The following ADGRA2 variants were observed in gnomAD, a reference collection of about 807,000 sequenced individuals.
ADGRA2 encodes adhesion G protein-coupled receptor A2.
A neutral mutation model predicts 98.7 loss-of-function variants in ADGRA2; 61 were observed. That is an observed-to-expected ratio of 0.62 (90% CI 0.50 to 0.76). The LOEUF (loss-of-function observed/expected upper bound fraction) is 0.76. Ranked by LOEUF, ADGRA2 falls within the 30% of genes least tolerant of loss-of-function variation. The pLI, the probability that ADGRA2 is intolerant of heterozygous loss-of-function variation, is 0.00. For synonymous variants in ADGRA2, 858 were observed against 831.5 expected (o/e 1.03, Z -0.55); for missense variants, 1,712 against 1,860.0 (o/e 0.92, Z 1.46).
intron 15 of ADGRA2, 144 bp from the exon 16 acceptor site, chr8:37,839,355 C>T: frequency 2.1e-6 from 3 of 1,450,756 alleles, no homozygotes; most frequent in Non-Finnish European, 1.8e-6. Context: ...TTAAGGACTC[C>T]CTACCCTATG....
chr8:37,842,466 G>A lies in ADGRA2; in HGVS notation c.*111G>A. The A allele has an allele frequency of 7.3e-7, 1 of 1,369,266 alleles. No individual in the cohort carries two copies. Among genetic ancestry groups the A allele is most frequent in the Non-Finnish European group, 9.4e-7 (1 of 1,060,440 alleles). 84.8% of individuals were successfully genotyped at this position (1,369,266 alleles called of 1,614,324 possible). The stretch of plus-strand genomic sequence containing the variant: ...GCAGGTTGGAGGCAGAGGAGCCGAT[G>A]GCTGGAGGAAGCCCACAGGCGGATG... On this transcript the variant is annotated 3_prime_UTR_variant, in exon 19 of 19. Coordinates refer to ENST00000412232, the MANE Select transcript of ADGRA2 (RefSeq NM_032777.10).
intron 9 of ADGRA2, among the ~76,000 whole-genome samples, 159 bp downstream of exon 9, chr8:37,833,367 G>A (rs954090950): frequency 7.9e-5 from 12 of 152,192 alleles, no homozygotes; most frequent in South Asian, 2.1e-4. Context: ...TCCTCCAGCC[G>A]CCCTCTGCTA....
At chr8:37,809,838 G>A (rs545112245) in intron 1 of ADGRA2, among the ~76,000 whole-genome samples, 3 of 152,262 alleles carry the variant, frequency 2.0e-5, no homozygotes, top group South Asian at 4.1e-4. Flanking sequence ...GAGAGAGAGA[G>A]GCCGAGACCG....
Position 37,797,194 on chromosome 8 carries a change from C to T in ADGRA2, c.-75C>T, listed in dbSNP as rs2129869888. 3 of 1,138,150 alleles carry T rather than the reference C, an allele frequency of 2.6e-6. No homozygotes were observed. The highest frequency in any genetic ancestry group is 4.4e-5 in the South Asian group (1 of 22,672). 70.5% of individuals were successfully genotyped at this position (1,138,150 alleles called of 1,614,324 possible). ...CCCCGGGCCCCCGCTGAGCACTCCT[C>T]CCGCACGCCTGGGTCCCTCCGGCCG... On this transcript the variant is annotated 5_prime_UTR_variant, in exon 1 of 19. Transcript: ENST00000412232. This position sits in a 1 kb window ranked among gnomAD's most constrained non-coding sequence, Gnocchi z 5.3.
intron 1 of ADGRA2, among the ~76,000 whole-genome samples, chr8:37,798,987 G>C (rs1313908558): frequency 1.3e-5 from 2 of 152,222 alleles, no homozygotes; most frequent in Non-Finnish European, 2.9e-5. Flanking sequence ...GTCCAGGCAG[G>C]CCTGGGCATT....
chr8:37,814,813 C>A lies in ADGRA2; in HGVS notation c.267-83C>A. On this transcript the variant is annotated intron_variant, in intron 1 of 18. Transcript: ENST00000412232. This position sits in a 1 kb window ranked among gnomAD's most constrained non-coding sequence, Gnocchi z 4.3. ...CCAGGGGGCGCCATTGACAAAGATG[C>A]AAGCTGGCCCCACCAGTGGTGAAAG... is the stretch of plus-strand genomic sequence containing the variant. 2 of 993,628 alleles carry A rather than the reference C, an allele frequency of 2.0e-6. No homozygotes were observed. The highest frequency in any genetic ancestry group is 3.2e-6 in the Non-Finnish European group (2 of 621,084). The allele number at this position is 993,628 out of a possible 1,614,324, so 61.6% of individuals were successfully genotyped here. A position where few individuals can be genotyped will look rare whatever the true frequency, so the allele number is the denominator to read the frequency against.
In ADGRA2 at chr8:37,814,797, G is replaced by A. The variant is rs895373853; in HGVS notation, c.267-99G>A. ...GCTGCCTCGCACAACTCCAGGGGGC[G>A]CCATTGACAAAGATGCAAGCTGGCC... On this transcript the variant is annotated intron_variant, in intron 1 of 18. Coordinates refer to ENST00000412232, the MANE Select transcript of ADGRA2 (RefSeq NM_032777.10). This position sits in a 1 kb window ranked among gnomAD's most constrained non-coding sequence, Gnocchi z 4.3. 15 of 827,032 alleles carry A rather than the reference G, an allele frequency of 1.8e-5. No homozygotes were observed. The highest frequency in any genetic ancestry group is 1.2e-4 in the East Asian group (5 of 40,794). 51.2% of individuals were successfully genotyped at this position (827,032 alleles called of 1,614,324 possible).
chr8:37,815,311 C>T (rs1804947222), intron 2 of ADGRA2, among the ~76,000 whole-genome samples: 1 of 152,218 alleles, frequency 6.6e-6, no homozygotes, highest in Non-Finnish European at 1.5e-5. Flanking sequence ...CATAAAAGGG[C>T]GGAGGGCAGC....
intron 9 of ADGRA2, 32 bp from the exon 10 acceptor site, chr8:37,833,642 CAGAAGGAACAGGCG>C: frequency 6.2e-7 from 1 of 1,600,968 alleles, no homozygotes; most frequent in South Asian, 1.1e-5. Flanking sequence ...AGTTCGGGGG[CAGAAGGAACAGGCG>C]AGATGATCCT....
At chr8:37,825,043 A>G (rs1020695053) in intron 2 of ADGRA2, among the ~76,000 whole-genome samples, 1 of 152,176 alleles carries the variant, frequency 6.6e-6, no homozygotes, top group Non-Finnish European at 1.5e-5. Flanking sequence ...ATCCTCCTGC[A>G]TATTGACAGA....
Position 37,814,947 on chromosome 8 carries a change from A to G in ADGRA2, c.318A>G (p.Gly106=), listed in dbSNP as rs374294577. Residue 106 remains glycine (G), a synonymous_variant, in exon 2 of 19, where the codon GGA becomes GGG. Coordinates refer to ENST00000412232, the MANE Select transcript of ADGRA2 (RefSeq NM_032777.10). The surrounding 1 kb of genome is among the most constrained non-coding windows in gnomAD (Gnocchi z 4.3). ...ITGLRNGSFL[G]LSLLEKLDLR... is the part of the protein sequence containing the mutation. ...GGCTCCGCAATGGCTCCTTCCTGGG[A>G]CTGTCACTGCTGGAGAAGCTGTAAG... 2 of 1,612,264 alleles carry G rather than the reference A, an allele frequency of 1.2e-6. No homozygotes were observed. The highest frequency in any genetic ancestry group is 2.7e-5 in the African/African-American group (2 of 74,872).
At chr8:37,798,362 G>A (rs924703285) in intron 1 of ADGRA2, among the ~76,000 whole-genome samples, 1 of 152,204 alleles carries the variant, frequency 6.6e-6, no homozygotes, top group Non-Finnish European at 1.5e-5. Flanking sequence ...CTCCTTCCGC[G>A]ACTTCCCTCT....
At chr8:37,816,538 G>A (rs1350956224) in intron 2 of ADGRA2, among the ~76,000 whole-genome samples, 1 of 151,640 alleles carries the variant, frequency 6.6e-6, no homozygotes, top group Non-Finnish European at 1.5e-5. Context: ...GTTGCAGTAA[G>A]CTGAGATTGC....
In ADGRA2 at chr8:37,829,934, C is replaced by T. The variant is rs767090988; in HGVS notation, c.638C>T (p.Ser213Leu). 17 of 1,611,638 alleles carry T rather than the reference C, an allele frequency of 1.1e-5. No individual in the cohort carries two copies. The highest frequency in any genetic ancestry group is 1.7e-4 in the Middle Eastern group (1 of 6,010). Residue 213 changes from serine to leucine, a missense_variant, in exon 6 of 19, where the codon TCG (serine) becomes TTG (leucine). Transcript: ENST00000412232. ...GCCCAGAATCGCTCCCTGCAGCTGT[C>T]GGAACACACGCTCTGTGCTTACCCC... is the stretch of plus-strand genomic sequence containing the variant. ...PWAQNRSLQL[S>L]EHTLCAYPSA...
At chr8:37,836,201 G>A (rs1805611629) in intron 13 of ADGRA2, among the ~76,000 whole-genome samples, 1 of 152,078 alleles carries the variant, frequency 6.6e-6, no homozygotes. Flanking sequence ...CATAGTCCCT[G>A]CTCCCAGAGG....
At chr8:37,808,069 CTG>C (rs1239457345) in intron 1 of ADGRA2, among the ~76,000 whole-genome samples, 1 of 152,136 alleles carries the variant, frequency 6.6e-6, no homozygotes, top group Non-Finnish European at 1.5e-5. Flanking sequence ...AGTGGGAACT[CTG>C]CTTGCTTCTC....
In ADGRA2 at chr8:37,831,416, C is replaced by T. The variant is rs1805448979; in HGVS notation, c.933-7C>T. ...ACTCACGAGCCAGCTCCACCTGCCA[C>T]CCGCAGTGAGCTGACGCTGTCTCAC... On this transcript the variant is annotated splice_polypyrimidine_tract_variant and splice_region_variant and intron_variant, in intron 7 of 18. Transcript: ENST00000412232. 2 of 1,608,676 alleles carry T rather than the reference C, an allele frequency of 1.2e-6. No homozygotes were observed. The highest frequency in any genetic ancestry group is 1.1e-5 in the South Asian group (1 of 91,070).
intron 5 of ADGRA2, 88 bp downstream of exon 5, chr8:37,829,647 T>A: frequency 9.3e-7 from 1 of 1,071,518 alleles, no homozygotes. Context: ...CCACCAGGAC[T>A]GGTCTCACGA....
At chr8:37,806,513 C>CTT (rs1246419562) in intron 1 of ADGRA2, among the ~76,000 whole-genome samples, 17 of 103,222 alleles carry the variant, frequency 1.6e-4, no homozygotes, top group African/African-American at 3.5e-4. Context: ...TTTTCTTTTT[C>CTT]TTTTTTCTTT....
Sources: gnomAD v4.1 joint callset for allele counts (sites outside exome capture counted in the v4.1 genomes callset) on GRCh38, gnomAD v4.1.1 for gene constraint, Gnocchi (gnomAD v3.1) non-coding constraint, MANE v1.5 for transcripts, NCBI Gene and HGNC (gene_info 2026-07-23, HGNC 2026-07-21) for gene names.